Variants in LRP8 observed in about 807,000 individuals in gnomAD.
The protein encoded by LRP8 is low-density lipoprotein receptor-related protein 8.
A neutral mutation model predicts 111.6 loss-of-function variants in LRP8; 46 were observed. The observed-to-expected ratio is 0.41, with a 90% CI of 0.33 to 0.53. LRP8 has a LOEUF of 0.53. LRP8 is among the 20% of genes least tolerant of loss of function. The probability of loss-of-function intolerance (pLI) is 0.20; values close to 1 mark genes in which losing one functional copy is unlikely to be tolerated. For missense variants in LRP8, 959 were observed against 1,297.4 expected, an observed-to-expected ratio of 0.74 and a Z score of 4.01; for synonymous variants, 464 against 511.2, an observed-to-expected ratio of 0.91 and a Z score of 1.24.
rs1014003063 is a variant in LRP8 at position 53,250,219 on chromosome 1, C to G, written c.2676+471G>C. On this transcript the variant is annotated intron_variant, in intron 17 of 18. Transcript: ENST00000306052. This position sits in a 1 kb window ranked among gnomAD's most constrained non-coding sequence, Gnocchi z 4.6. ...TTGATATCTAATGTGGTGCTTGGCA[C>G]ATAACTGGCATACAGTATTGAAATG... 2.0e-5 allele frequency among the ~76,000 whole-genome samples: 3 copies of G among 152,206 alleles called. No homozygotes were observed. The highest frequency in any genetic ancestry group is 7.2e-5 in the African/African-American group (3 of 41,442).
Position 53,315,392 on chromosome 1 carries a change from C to A in LRP8, c.244+11481G>T, listed in dbSNP as rs13374409. On this transcript the variant is annotated intron_variant, in intron 2 of 18. Transcript: ENST00000306052. Reference sequence around the variant, plus strand: ...GAAGCCCAGGCAATCTTGAATTGAGCACTGCGCATGCACCATGCACTGCTC... The same window carrying A: ...GAAGCCCAGGCAATCTTGAATTGAGAACTGCGCATGCACCATGCACTGCTC... 1.8e-3 allele frequency among the ~76,000 whole-genome samples: 273 copies of A among 152,308 alleles called. 1 individual carries two copies. Among genetic ancestry groups the A allele is most frequent in the African/African-American group, 6.3e-3 (262 of 41,564 alleles).
At position 53,303,760 on chromosome 1, in the gene LRP8, C is replaced by T. The variant is rs950187338; in HGVS notation, c.245-14071G>A. 3.9e-5 allele frequency among the ~76,000 whole-genome samples: 6 copies of T among 152,242 alleles called. No homozygotes were observed. The highest frequency in any genetic ancestry group is 1.3e-4 in the Admixed American group (2 of 15,294). ...AGGCCTGCCCCTTTCCCCCAACCCCCACCAGTGCTGGAATCCTCTGTTCCC... is the reference window on the plus strand; with the variant it reads ...AGGCCTGCCCCTTTCCCCCAACCCCTACCAGTGCTGGAATCCTCTGTTCCC... On this transcript the variant is annotated intron_variant, in intron 2 of 18. Transcript: ENST00000306052. The surrounding 1 kb of genome is among the most constrained non-coding windows in gnomAD (Gnocchi z 4.3).
At chr1:53,295,213 G>C (rs1482767993) in intron 2 of LRP8, among the ~76,000 whole-genome samples, 1 of 152,158 alleles carries the variant, frequency 6.6e-6, no homozygotes, top group Non-Finnish European at 1.5e-5. Context: ...CTGTGTTCAA[G>C]GAAGAGGAGT....
At chr1:53,286,992 G>C (rs912885006) in intron 3 of LRP8, among the ~76,000 whole-genome samples, 4 of 152,214 alleles carry the variant, frequency 2.6e-5, no homozygotes, top group African/African-American at 9.7e-5. Context: ...AGGATGACTG[G>C]GCAGCTTGCC....
Position 53,317,640 on chromosome 1 carries a change from G to T in LRP8, c.244+9233C>A, listed in dbSNP as rs923968698. On this transcript the variant is annotated intron_variant, in intron 2 of 18. Coordinates refer to ENST00000306052, the MANE Select transcript of LRP8 (RefSeq NM_004631.5). The surrounding 1 kb of genome is among the most constrained non-coding windows in gnomAD (Gnocchi z 4.9). The stretch of plus-strand genomic sequence containing the variant: ...GCCATTCCCTGTGCAGGAATCACAG[G>T]CTCAGGAAGGGAAGGGAAACGCTCA... Among the ~76,000 whole-genome samples the T allele has an allele frequency of 2.0e-5, 3 of 152,200 alleles. No individual in the cohort carries two copies. The highest frequency in any genetic ancestry group is 4.4e-5 in the Non-Finnish European group (3 of 68,038).
chr1:53,264,496 G>A, intron 9 of LRP8, 100 bp from the exon 10 acceptor site: 1 of 924,074 alleles, frequency 1.1e-6, no homozygotes, highest in Non-Finnish European at 1.7e-6. Flanking sequence ...CTGGGCCATG[G>A]CAATAGATTT....
rs1212773872 is a variant in LRP8 at position 53,314,849 on chromosome 1, G to A, written c.244+12024C>T. Among the ~76,000 whole-genome samples the A allele has an allele frequency of 2.0e-5, 3 of 152,330 alleles. No homozygotes were observed. The East Asian group carries it at 5.8e-4, about 29-fold the overall frequency. ...TTCACCAGGGCCTGCTCTGAGCCAC[G>A]CTGGGGACAGTGGGCACCTGGGCTG... is the stretch of plus-strand genomic sequence containing the variant. On this transcript the variant is annotated intron_variant, in intron 2 of 18. Coordinates refer to ENST00000306052, the MANE Select transcript of LRP8 (RefSeq NM_004631.5).
At chr1:53,258,184 C>A (rs567704904) in intron 14 of LRP8, 135 bp downstream of exon 14, 2 of 854,504 alleles carry the variant, frequency 2.3e-6, no homozygotes, top group South Asian at 2.2e-5. Context: ...AAAGAGAAAC[C>A]CCCAAAAGGC....
intron 9 of LRP8, among the ~76,000 whole-genome samples, chr1:53,264,866 T>G (rs1646492833): frequency 6.6e-6 from 1 of 152,088 alleles, no homozygotes; most frequent in African/African-American, 2.4e-5. Context: ...TTAGGGGAGC[T>G]GCTTATGTGG....
In LRP8 at chr1:53,266,905, A is replaced by AT. The variant is rs1409485474; in HGVS notation, c.1253-259dup. The AT allele has an allele frequency of 7.0e-6, 3 of 429,176 alleles. No homozygotes were observed. The highest frequency in any genetic ancestry group is 8.6e-6 in the Non-Finnish European group (2 of 232,598). The allele number at this position is 429,176 out of a possible 1,614,324, so 26.6% of individuals were successfully genotyped here. A position where few individuals can be genotyped will look rare whatever the true frequency, so the allele number is the denominator to read the frequency against. The stretch of plus-strand genomic sequence containing the variant: ...TCTCCAAAATCTTTTATGGCTCCCC[A>AT]TTTTCTCCTTAGGCCTGCACTGAAA... On this transcript the variant is annotated intron_variant, in intron 8 of 18. Coordinates refer to ENST00000306052, the MANE Select transcript of LRP8 (RefSeq NM_004631.5). This position sits in a 1 kb window ranked among gnomAD's most constrained non-coding sequence, Gnocchi z 5.0.
intron 6 of LRP8, chr1:53,272,748 G>C: frequency 1.0e-6 from 1 of 954,758 alleles, no homozygotes; most frequent in Non-Finnish European, 1.5e-6. Flanking sequence ...GCTGAGCCAC[G>C]GCAGCTCCCA....
At chr1:53,323,570 G>A (rs1243756223) in intron 2 of LRP8, among the ~76,000 whole-genome samples, 10 of 152,252 alleles carry the variant, frequency 6.6e-5, no homozygotes, top group Admixed American at 1.3e-4. Flanking sequence ...GCTTCCTTGG[G>A]CCTGGCTCTC....
Position 53,262,641 on chromosome 1 carries a change from A to C in LRP8, c.1656-77T>G. Reference sequence around the variant, plus strand: ...TGGTCTGAGTCACAAGAGCTCAATAACCCATTGACTAGTTGTGGTTTATGT... The same window carrying C: ...TGGTCTGAGTCACAAGAGCTCAATACCCCATTGACTAGTTGTGGTTTATGT... On this transcript the variant is annotated intron_variant, in intron 10 of 18. Transcript: ENST00000306052. The surrounding 1 kb of genome is among the most constrained non-coding windows in gnomAD (Gnocchi z 4.8). The C allele has an allele frequency of 9.3e-7, 1 of 1,070,480 alleles. No individual in the cohort carries two copies. Among genetic ancestry groups the C allele is most frequent in the Non-Finnish European group, 1.4e-6 (1 of 691,400 alleles). 66.3% of individuals were successfully genotyped at this position (1,070,480 alleles called of 1,614,324 possible). A position where few individuals can be genotyped will look rare whatever the true frequency, so the allele number is the denominator to read the frequency against.
rs528976677 is a variant in LRP8, at chr1:53,295,773, A to T, written c.245-6084T>A. On this transcript the variant is annotated intron_variant, in intron 2 of 18. Coordinates refer to ENST00000306052, the MANE Select transcript of LRP8 (RefSeq NM_004631.5). Reference sequence around the variant, plus strand: ...ATTGACGGTTTCCTCCAGCCTTCCAAGCTTGTTTAACCAAGGAACTCCTTT... The same window carrying T: ...ATTGACGGTTTCCTCCAGCCTTCCATGCTTGTTTAACCAAGGAACTCCTTT... Among the ~76,000 whole-genome samples the T allele has an allele frequency of 8.5e-5, 13 of 152,304 alleles. No individual in the cohort carries two copies. In the South Asian group the frequency reaches 2.7e-3, roughly 32 times the overall value.
chr1:53,308,965 C>T (rs1557854420), intron 2 of LRP8, among the ~76,000 whole-genome samples: 1 of 152,110 alleles, frequency 6.6e-6, no homozygotes, highest in African/African-American at 2.4e-5. Context: ...GACAGATCCC[C>T]CCTCAGAGGG....
intron 2 of LRP8, among the ~76,000 whole-genome samples, chr1:53,323,390 G>A (rs939025873): frequency 6.6e-6 from 1 of 152,244 alleles, no homozygotes; most frequent in Non-Finnish European, 1.5e-5. Flanking sequence ...AGCGTTCATC[G>A]GCGCTATGGT....
At chr1:53,255,336 TC>T (rs1202425354) in intron 15 of LRP8, 151 bp from the exon 16 acceptor site, 2 of 695,288 alleles carry the variant, frequency 2.9e-6, no homozygotes, top group Non-Finnish European at 5.0e-6. Flanking sequence ...TCTTTCCAGA[TC>T]CTATCACAAC....
intron 6 of LRP8, chr1:53,274,695 C>T (rs759425265): frequency 3.1e-4 from 140 of 456,280 alleles, no homozygotes; most frequent in Non-Finnish European, 5.2e-4. Context: ...AGACAGGCAC[C>T]GCACCACACT....
At position 53,304,965 on chromosome 1, in the gene LRP8, T is replaced by C. The variant is rs143751001; in HGVS notation, c.245-15276A>G. 1,121 of 152,420 alleles carry C rather than the reference T, an allele frequency of 7.4e-3. 5 individuals carry two copies. The highest frequency in any genetic ancestry group is 0.021 in the South Asian group (100 of 4,826). 9.4% of individuals were successfully genotyped at this position (152,420 alleles called of 1,614,324 possible). A position where few individuals can be genotyped will look rare whatever the true frequency, so the allele number is the denominator to read the frequency against. On this transcript the variant is annotated intron_variant, in intron 2 of 18. Transcript: ENST00000306052. ...TCAGCCTAGGGGTTCTGAGCCAGCA[T>C]GGCTCCCCCAGTAAGACAGGTCCCA...
Sources: gnomAD v4.1 joint callset for allele counts (sites outside exome capture counted in the v4.1 genomes callset) on GRCh38, gnomAD v4.1.1 for gene constraint, Gnocchi (gnomAD v3.1) non-coding constraint, MANE v1.5 for transcripts, NCBI Gene and HGNC (gene_info 2026-07-23, HGNC 2026-07-21) for gene names.